DPYD: variants seen among roughly 807,000 people sequenced by gnomAD.
The protein encoded by DPYD is dihydropyrimidine dehydrogenase [NADP(+)].
Under a neutral mutation model 116.2 loss-of-function variants are expected in DPYD, and 109 were observed. That is an observed-to-expected ratio of 0.94 (90% CI 0.80 to 1.10). The LOEUF is 1.10. DPYD is among the 50% of genes least tolerant of loss of function. The probability of loss-of-function intolerance (pLI) is 0.00; values close to 1 mark genes in which losing one functional copy is unlikely to be tolerated. For synonymous variants in DPYD, 440 were observed against 432.0 expected (o/e 1.02, Z -0.23); for missense variants, 1,302 against 1,254.5 (o/e 1.04, Z -0.57).
At chr1:97,756,421 C>T (rs1211052303) in intron 3 of DPYD, among the ~76,000 whole-genome samples, 1 of 152,114 alleles carries the variant, frequency 6.6e-6, no homozygotes, top group African/African-American at 2.4e-5. Flanking sequence ...TGATTTTTGC[C>T]TCGTTTATTC....
intron 3 of DPYD, among the ~76,000 whole-genome samples, chr1:97,761,179 T>C (rs909311328): frequency 2.0e-5 from 3 of 151,752 alleles, no homozygotes; most frequent in Non-Finnish European, 4.4e-5. Context: ...TTCATCAAGA[T>C]AAAAACAAAT....
chr1:97,674,879 C>T (rs868377937), intron 8 of DPYD, among the ~76,000 whole-genome samples: 1 of 152,126 alleles, frequency 6.6e-6, no homozygotes, highest in Non-Finnish European at 1.5e-5. Flanking sequence ...TTATTTAACT[C>T]ACTAATAGCT....
At chr1:97,667,664 C>T (rs552404279) in intron 8 of DPYD, among the ~76,000 whole-genome samples, 1 of 152,090 alleles carries the variant, frequency 6.6e-6, no homozygotes, top group South Asian at 2.1e-4. Flanking sequence ...GTTGGCTCCT[C>T]AAAAAGTTAA....
intron 20 of DPYD, among the ~76,000 whole-genome samples, chr1:97,102,125 T>C (rs1307802781): frequency 3.3e-5 from 5 of 152,104 alleles, no homozygotes; most frequent in Non-Finnish European, 2.9e-5. Flanking sequence ...TAATTGAGCA[T>C]ATTATGAAGT....
chr1:97,503,209 ATTTCTC>A (rs1390744087), intron 13 of DPYD, among the ~76,000 whole-genome samples: 1 of 151,972 alleles, frequency 6.6e-6, no homozygotes, highest in East Asian at 1.9e-4. Flanking sequence ...TCTATACAAT[ATTTCTC>A]TTTATATTGA....
intron 7 of DPYD, among the ~76,000 whole-genome samples, chr1:97,679,493 T>A (rs892893533): frequency 1.3e-5 from 2 of 152,036 alleles, no homozygotes; most frequent in African/African-American, 4.8e-5. Flanking sequence ...AGACGATAAA[T>A]AAGACACATT....
chr1:97,862,282 T>C (rs984434722), intron 2 of DPYD, among the ~76,000 whole-genome samples: 1 of 151,810 alleles, frequency 6.6e-6, no homozygotes, highest in African/African-American at 2.4e-5. Context: ...TTACTATGAG[T>C]TTAAATGGTT....
intron 8 of DPYD, among the ~76,000 whole-genome samples, chr1:97,608,924 A>G (rs1227450847): frequency 6.6e-6 from 1 of 151,910 alleles, no homozygotes; most frequent in African/African-American, 2.4e-5. Context: ...ATTTAAGTTC[A>G]CTGTAAACTA....
rs1673560363 is a variant in DPYD, at chr1:97,404,795, A to G, written c.1906-22334T>C. 3.3e-5 allele frequency among the ~76,000 whole-genome samples: 5 copies of G among 152,238 alleles called. No homozygotes were observed. The South Asian group carries it at 1.0e-3, about 32-fold the overall frequency. On this transcript the variant is annotated intron_variant, in intron 14 of 22. Transcript: ENST00000370192. The stretch of plus-strand genomic sequence containing the variant: ...ATTGATATTCAAAATAAGTATTGAT[A>G]TACCTGGATTAATATCTACTATATT...
chr1:97,611,303 C>A (rs968589151), intron 8 of DPYD, among the ~76,000 whole-genome samples: 1 of 151,954 alleles, frequency 6.6e-6, no homozygotes, highest in Non-Finnish European at 1.5e-5. Flanking sequence ...AAGACCTGCC[C>A]CCATGATTCA....
chr1:97,264,398 C>G (rs1214165358), intron 18 of DPYD, among the ~76,000 whole-genome samples: 2 of 151,768 alleles, frequency 1.3e-5, no homozygotes, highest in Non-Finnish European at 2.9e-5. Context: ...GTTGCCCAGG[C>G]TGGTCTTGAA....
chr1:97,249,776 C>T (rs1434498967), intron 18 of DPYD, among the ~76,000 whole-genome samples: 2 of 152,076 alleles, frequency 1.3e-5, no homozygotes, highest in East Asian at 3.9e-4. Context: ...AATACTTGAA[C>T]AATACTTTTT....
chr1:97,354,626 T>A (rs747385877), intron 16 of DPYD, among the ~76,000 whole-genome samples: 2 of 152,166 alleles, frequency 1.3e-5, no homozygotes, highest in African/African-American at 2.4e-5. Context: ...GAACAAGTTA[T>A]GGAGAGTGGT....
At chr1:97,773,877 A>AT (rs1338225776) in intron 3 of DPYD, among the ~76,000 whole-genome samples, 2 of 152,060 alleles carry the variant, frequency 1.3e-5, no homozygotes, top group Non-Finnish European at 2.9e-5. Context: ...ATGTGATCTG[A>AT]TTTTTTCAGT....
intron 19 of DPYD, among the ~76,000 whole-genome samples, chr1:97,199,022 G>A (rs528615977): frequency 1.3e-5 from 2 of 152,226 alleles, no homozygotes; most frequent in South Asian, 2.1e-4. Flanking sequence ...AATAGAGGCC[G>A]ACCTGTGCAG....
chr1:97,594,041 T>TTA (rs760162952), intron 9 of DPYD, among the ~76,000 whole-genome samples: 1 of 152,160 alleles, frequency 6.6e-6, no homozygotes, highest in Non-Finnish European at 1.5e-5. Context: ...TCATCTCTAT[T>TTA]AAGATTTGCT....
At chr1:97,662,001 T>C (rs552595817) in intron 8 of DPYD, among the ~76,000 whole-genome samples, 61 of 145,722 alleles carry the variant, frequency 4.2e-4, no homozygotes, top group African/African-American at 1.5e-3. Flanking sequence ...TTTTTTTTTT[T>C]TTTTTTTTTT....
intron 18 of DPYD, among the ~76,000 whole-genome samples, chr1:97,292,358 G>A (rs942452942): frequency 3.3e-5 from 5 of 152,234 alleles, no homozygotes; most frequent in Admixed American, 6.5e-5. Context: ...ATGTCAGAAC[G>A]GGAAGCAAAC....
intron 13 of DPYD, among the ~76,000 whole-genome samples, chr1:97,500,635 G>A (rs114369627): frequency 0.011 from 1,741 of 152,086 alleles, 15 homozygotes; most frequent in Non-Finnish European, 0.018. Context: ...GTGTATCAGA[G>A]GTGATACATG....
Sources: gnomAD v4.1 joint callset for allele counts (sites outside exome capture counted in the v4.1 genomes callset) on GRCh38, gnomAD v4.1.1 for gene constraint, MANE v1.5 for transcripts, NCBI Gene and HGNC (gene_info 2026-07-23, HGNC 2026-07-21) for gene names.